EML4: variants seen among roughly 807,000 people sequenced by gnomAD.
The protein encoded by EML4 is EMAP like 4.
A neutral mutation model predicts 129.0 loss-of-function variants in EML4; 72 were observed. That is an observed-to-expected ratio of 0.56 (90% CI 0.46 to 0.68). The LOEUF is 0.68. Among genes scored for constraint, EML4 ranks in the 30% least tolerant of loss-of-function variants. EML4 has a pLI of 0.00. For missense variants in EML4, 1,363 were observed against 1,190.6 expected (o/e 1.14, Z -2.13); for synonymous variants, 532 against 405.0 (o/e 1.31, Z -3.77).
chr2:42,245,707 A>G lies in EML4; in HGVS notation c.208+20A>G, dbSNP rs1001033319. On this transcript the variant is annotated intron_variant, in intron 2 of 22. Transcript: ENST00000318522. ...GTAAAGGTAATTGTGTTGTAAAGTT[A>G]AAAAGAGTCTTGCTTTTTGCAATAT... 3 of 1,555,904 alleles carry G rather than the reference A, an allele frequency of 1.9e-6. No homozygotes were observed. Among genetic ancestry groups the G allele is most frequent in the African/African-American group, 2.8e-5 (2 of 72,140 alleles).
At chr2:42,311,492 C>G (rs977283711) in intron 17 of EML4, among the ~76,000 whole-genome samples, 1 of 151,968 alleles carries the variant, frequency 6.6e-6, no homozygotes, top group East Asian at 1.9e-4. Context: ...GAGGTTGAGG[C>G]TGCAGTAAAC....
At chr2:42,209,662 G>T (rs1218055134) in intron 1 of EML4, among the ~76,000 whole-genome samples, 1 of 152,182 alleles carries the variant, frequency 6.6e-6, no homozygotes, top group Admixed American at 6.5e-5. Flanking sequence ...AGACACGGTG[G>T]CTCACGCCTG....
chr2:42,332,024 G>A lies in EML4; in HGVS notation c.*1817G>A, dbSNP rs940945226. On this transcript the variant is annotated 3_prime_UTR_variant, in exon 23 of 23. Coordinates refer to ENST00000318522, the MANE Select transcript of EML4 (RefSeq NM_019063.5). The stretch of plus-strand genomic sequence containing the variant: ...TATGTATGTTCTGTACATACTTATC[G>A]GAGCGCGCCAGTAAGTATCAGGCAT... 1.8e-5 allele frequency: 4 copies of A among 221,960 alleles called. No individual in the cohort carries two copies. The highest frequency in any genetic ancestry group is 6.6e-5 in the East Asian group (1 of 15,138). 13.7% of individuals were successfully genotyped at this position (221,960 alleles called of 1,614,324 possible). A position where few individuals can be genotyped will look rare whatever the true frequency, so the allele number is the denominator to read the frequency against.
intron 1 of EML4, among the ~76,000 whole-genome samples, chr2:42,180,716 A>G (rs997320545): frequency 1.3e-5 from 2 of 152,252 alleles, no homozygotes; most frequent in South Asian, 2.1e-4. Flanking sequence ...CCATATTACA[A>G]CCAACAGAAT....
chr2:42,270,522 C>G (rs1051236324), intron 6 of EML4, among the ~76,000 whole-genome samples: 13 of 152,196 alleles, frequency 8.5e-5, no homozygotes, highest in Admixed American at 1.3e-4. Context: ...GTTTTCTGAC[C>G]TTTTGGCTCC....
chr2:42,252,023 T>C (rs553365414), intron 2 of EML4, among the ~76,000 whole-genome samples: 96 of 152,286 alleles, frequency 6.3e-4, no homozygotes, highest in African/African-American at 2.2e-3. Context: ...AAGTTAGTTA[T>C]AGAAACAGGA....
chr2:42,273,328 A>G (rs1666476800), intron 6 of EML4, among the ~76,000 whole-genome samples: 1 of 152,162 alleles, frequency 6.6e-6, no homozygotes, highest in East Asian at 1.9e-4. Flanking sequence ...TCTTTTCCCA[A>G]TAAAGTCATT....
intron 6 of EML4, among the ~76,000 whole-genome samples, chr2:42,271,700 A>G (rs748449319): frequency 2.4e-4 from 37 of 151,262 alleles, no homozygotes; most frequent in Non-Finnish European, 4.7e-4. Flanking sequence ...TATTTTTGCT[A>G]TACACATACT....
Position 42,317,192 on chromosome 2 carries a change from A to G in EML4, c.2057-235A>G, listed in dbSNP as rs543879908. Among the ~76,000 whole-genome samples the G allele has an allele frequency of 2.3e-4, 35 of 152,332 alleles. 1 individual carries two copies. The highest frequency in any genetic ancestry group is 3.4e-3 in the Middle Eastern group (1 of 294). On this transcript the variant is annotated intron_variant, in intron 18 of 22. Coordinates refer to ENST00000318522, the MANE Select transcript of EML4 (RefSeq NM_019063.5). Reference sequence around the variant, plus strand: ...GGATAACCTCTGGAGCCGGTTTTCAACTAACTAGAAGATGAGGCCTAGAGT... The same window carrying G: ...GGATAACCTCTGGAGCCGGTTTTCAGCTAACTAGAAGATGAGGCCTAGAGT...
intron 6 of EML4, among the ~76,000 whole-genome samples, chr2:42,265,885 C>T (rs1446823091): frequency 2.0e-5 from 3 of 152,138 alleles, no homozygotes; most frequent in East Asian, 1.9e-4. Context: ...TTGGCGAATG[C>T]GTATTTAATT....
chr2:42,210,241 C>G (rs185287937), intron 1 of EML4, among the ~76,000 whole-genome samples: 1 of 152,092 alleles, frequency 6.6e-6, no homozygotes, highest in Non-Finnish European at 1.5e-5. Flanking sequence ...TCAGGTTTTT[C>G]TTGTTTTTGA....
At chr2:42,186,546 C>T (rs752722613) in intron 1 of EML4, among the ~76,000 whole-genome samples, 37 of 152,192 alleles carry the variant, frequency 2.4e-4, no homozygotes, top group Non-Finnish European at 3.1e-4. Context: ...CTTCCTACCT[C>T]ACATCACTGA....
chr2:42,179,989 C>A (rs1670837956), intron 1 of EML4, among the ~76,000 whole-genome samples: 1 of 152,088 alleles, frequency 6.6e-6, no homozygotes, highest in Admixed American at 6.5e-5. Flanking sequence ...GTAAATAAAG[C>A]CAACGGGTAA....
At position 42,200,303 on chromosome 2, in the gene EML4, C is replaced by T. The variant is rs187673180; in HGVS notation, c.25+30667C>T. On this transcript the variant is annotated intron_variant, in intron 1 of 22. Transcript: ENST00000318522. ...TTGGGCCACTGCACTCCAGCCTGGGCGACAGAACAAGACTACGCCTCAAAA... is the reference window on the plus strand; with the variant it reads ...TTGGGCCACTGCACTCCAGCCTGGGTGACAGAACAAGACTACGCCTCAAAA... Among the ~76,000 whole-genome samples the T allele has an allele frequency of 9.9e-4, 151 of 151,948 alleles. 1 individual carries two copies. The highest frequency in any genetic ancestry group is 3.4e-3 in the African/African-American group (140 of 41,410).
intron 1 of EML4, among the ~76,000 whole-genome samples, chr2:42,171,266 TC>T (rs1182362830): frequency 2.6e-5 from 4 of 152,196 alleles, no homozygotes; most frequent in African/African-American, 9.7e-5. Context: ...AAATTGAGTG[TC>T]TTCTTAGGGG....
intron 13 of EML4, 44 bp downstream of exon 13, chr2:42,295,560 TAG>T: frequency 6.4e-7 from 1 of 1,571,522 alleles, no homozygotes; most frequent in African/African-American, 1.4e-5. Flanking sequence ...AATTCTCACA[TAG>T]TACTCTTTCA....
chr2:42,266,932 A>G (rs1666096274), intron 6 of EML4, among the ~76,000 whole-genome samples: 2 of 152,200 alleles, frequency 1.3e-5, no homozygotes. Context: ...ATGTGTGGAA[A>G]AGGAGTTTGG....
rs567253821 is a variant in EML4 at position 42,302,517 on chromosome 2, G to A, written c.1642-587G>A. On this transcript the variant is annotated intron_variant, in intron 14 of 22. Transcript: ENST00000318522. Reference sequence around the variant, plus strand: ...CCACATTCTTCATGTGATTTCATGTGAGCTAATAGAACTTACTTCTTTTTT... The same window carrying A: ...CCACATTCTTCATGTGATTTCATGTAAGCTAATAGAACTTACTTCTTTTTT... Among the ~76,000 whole-genome samples the A allele has an allele frequency of 7.3e-5, 11 of 151,638 alleles. No homozygotes were observed. In the East Asian group the frequency reaches 1.9e-3, roughly 27 times the overall value.
Position 42,264,709 on chromosome 2 carries a change from T to G in EML4, c.645T>G (p.His215Gln). 1 of 1,433,574 alleles carries G rather than the reference T, an allele frequency of 7.0e-7. No individual in the cohort carries two copies. 88.8% of individuals were successfully genotyped at this position (1,433,574 alleles called of 1,614,324 possible). A position where few individuals can be genotyped will look rare whatever the true frequency, so the allele number is the denominator to read the frequency against. Residue 215 changes from histidine (H) to glutamine (Q), a missense_variant, in exon 6 of 23, where the codon CAT becomes CAG. Transcript: ENST00000318522. ...GTTTCTTAAATTTCTTTTCTAGGCATAAAGATGTCATCATCAACCAAGGTA... is the reference window on the plus strand; with the variant it reads ...GTTTCTTAAATTTCTTTTCTAGGCAGAAAGATGTCATCATCAACCAAGGTA... Reference protein sequence around the residue: ...IPKVTKTADKHKDVIINQEGE... With the variant: ...IPKVTKTADKQKDVIINQEGE...
Sources: gnomAD v4.1 joint callset for allele counts (sites outside exome capture counted in the v4.1 genomes callset) on GRCh38, gnomAD v4.1.1 for gene constraint, MANE v1.5 for transcripts, NCBI Gene and HGNC (gene_info 2026-07-23, HGNC 2026-07-21) for gene names.